SHANK1: variants seen among roughly 807,000 people sequenced by gnomAD.
SHANK1 encodes the protein SH3 and multiple ankyrin repeat domains protein 1.
Under a neutral mutation model 165.6 loss-of-function variants are expected in SHANK1, and 35 were observed. That is an observed-to-expected ratio of 0.21 (90% CI 0.16 to 0.28). The LOEUF is 0.28. SHANK1 is among the 10% of genes least tolerant of loss of function. The pLI is 1.00. For missense variants in SHANK1, 2,681 were observed against 3,036.4 expected, an observed-to-expected ratio of 0.88 and a Z score of 2.75; for synonymous variants, 1,428 against 1,384.8, an observed-to-expected ratio of 1.03 and a Z score of -0.69.
chr19:50,663,823 T>C (rs2123063315), intron 23 of SHANK1, among the ~76,000 whole-genome samples: 1 of 152,082 alleles, frequency 6.6e-6, no homozygotes, highest in East Asian at 1.9e-4. Context: ...TTGCATTCAG[T>C]TCTTAAAGGC....
At chr19:50,684,095 G>T (rs114066513) in intron 21 of SHANK1, among the ~76,000 whole-genome samples, 1 of 152,234 alleles carries the variant, frequency 6.6e-6, no homozygotes, top group Admixed American at 6.5e-5. Flanking sequence ...TGGTTGTGAA[G>T]AAGTTTGTTG....
chr19:50,695,558 G>A (rs1986713326), intron 15 of SHANK1, among the ~76,000 whole-genome samples: 1 of 151,810 alleles, frequency 6.6e-6, no homozygotes, highest in South Asian at 2.1e-4. Context: ...CTCCCGCGCA[G>A]GTGCAGAGCT....
chr19:50,663,162 A>G (rs1253595522), intron 23 of SHANK1: 1 of 185,002 alleles, frequency 5.4e-6, no homozygotes, highest in Non-Finnish European at 1.1e-5. Context: ...CTTCACCACT[A>G]TTCTATACTG....
Position 50,702,990 on chromosome 19 carries a change from G to C in SHANK1, c.1554-330C>G, listed in dbSNP as rs2088886211. On this transcript the variant is annotated intron_variant, in intron 11 of 23. Coordinates refer to ENST00000293441, the MANE Select transcript of SHANK1 (RefSeq NM_016148.5). This position sits in a 1 kb window ranked among gnomAD's most constrained non-coding sequence, Gnocchi z 5.3. Reference sequence around the variant, plus strand: ...TTCCGCGACTCCCAGCTTCCTCCTGGGTCAGGTCCAACTCCTCTGCCCGCC... The same window carrying C: ...TTCCGCGACTCCCAGCTTCCTCCTGCGTCAGGTCCAACTCCTCTGCCCGCC... Among the ~76,000 whole-genome samples the C allele has an allele frequency of 6.6e-6, 1 of 152,064 alleles. No homozygotes were observed. Among genetic ancestry groups the C allele is most frequent in the Non-Finnish European group, 1.5e-5 (1 of 67,990 alleles).
At chr19:50,708,187 C>T (rs561899026) in intron 8 of SHANK1, among the ~76,000 whole-genome samples, 190 of 152,064 alleles carry the variant, frequency 1.2e-3, no homozygotes, top group African/African-American at 4.0e-3. Flanking sequence ...CCTCGTGATC[C>T]GCCTGCTTCA....
intron 21 of SHANK1, among the ~76,000 whole-genome samples, chr19:50,679,194 C>CAGTGTGAT (rs1986090233): frequency 6.8e-5 from 2 of 29,536 alleles, no homozygotes; most frequent in African/African-American, 1.4e-4. Context: ...GTCAGTGTGA[C>CAGTGTGAT]GGGGAGGGGT....
In SHANK1 at chr19:50,668,561, C is replaced by G. The variant is rs1273221540; in HGVS notation, c.3399G>C (p.Thr1133=). The G allele has an allele frequency of 1.7e-5, 23 of 1,348,944 alleles. No individual in the cohort carries two copies. Among genetic ancestry groups the G allele is most frequent in the Middle Eastern group, 5.7e-4 (2 of 3,482 alleles). 83.6% of individuals were successfully genotyped at this position (1,348,944 alleles called of 1,614,324 possible). Residue 1133 remains threonine (T), a synonymous_variant, in exon 23 of 24, where the codon ACG becomes ACC. Coordinates refer to ENST00000293441, the MANE Select transcript of SHANK1 (RefSeq NM_016148.5). ...GGGLPPAPSP[T]SPASPQPPPA... ...GCGGCGGCTGCGGGGAGGCCGGGGACGTGGGCGACGGCGCGGGCGGGAGGC... is the reference window on the plus strand; with the variant it reads ...GCGGCGGCTGCGGGGAGGCCGGGGAGGTGGGCGACGGCGCGGGCGGGAGGC...
Position 50,666,696 on chromosome 19 carries a change from G to T in SHANK1, c.5264C>A (p.Ser1755Tyr). ...TCCTAGCGCCCGGCCCCGGAGCTTA[G>T]AGGGAGTCATGAGCTGAGGAGGGTA... ...PPYPPQLMTP[S>Y]KLRGRALGAS... Residue 1755 changes from serine to tyrosine, a missense_variant, in exon 23 of 24, where the codon TCT becomes TAT. By Grantham distance (144) the Ser-to-Tyr change is moderately radical (BLOSUM62 -2). This residue lies in a region of SHANK1 where 1,713 missense variants were observed against 1,630.2 expected (regional missense o/e 1.05). Transcript: ENST00000293441. 6.3e-7 allele frequency: 1 copy of T among 1,584,724 alleles called. No homozygotes were observed.
At chr19:50,699,683 G>T (rs1341625588) in intron 12 of SHANK1, among the ~76,000 whole-genome samples, 1 of 151,946 alleles carries the variant, frequency 6.6e-6, no homozygotes, top group Non-Finnish European at 1.5e-5. Flanking sequence ...TTGGGGGATT[G>T]GAAGGCTTGG....
chr19:50,668,776 G>C lies in SHANK1; in HGVS notation c.3184C>G (p.Pro1062Ala). Residue 1062 changes from proline to alanine, a missense_variant, in exon 23 of 24, where the codon CCG becomes GCG. This residue lies in a region of SHANK1 where 1,713 missense variants were observed against 1,630.2 expected (regional missense o/e 1.05). Transcript: ENST00000293441. ...GCGCTGCCGTGGTGCGATGGGGACG[G>C]GGCCCCCGGGGTCGGGCTGGGCCCG... is the stretch of plus-strand genomic sequence containing the variant. ...GGGPSPTPGA[P>A]SPSHHGSAGG... 1 of 1,271,138 alleles carries C rather than the reference G, an allele frequency of 7.9e-7. No homozygotes were observed. The highest frequency in any genetic ancestry group is 1.6e-5 in the African/African-American group (1 of 64,326). 78.7% of individuals were successfully genotyped at this position (1,271,138 alleles called of 1,614,324 possible).
intron 15 of SHANK1, among the ~76,000 whole-genome samples, chr19:50,689,649 T>C (rs1986481526): frequency 6.6e-6 from 1 of 152,152 alleles, no homozygotes; most frequent in African/African-American, 2.4e-5. Context: ...CCCACAACTT[T>C]AACCTTTTGT....
Position 50,702,442 on chromosome 19 carries a change from C to T in SHANK1, c.1747+25G>A. 1 of 1,594,532 alleles carries T rather than the reference C, an allele frequency of 6.3e-7. No individual in the cohort carries two copies. Among genetic ancestry groups the T allele is most frequent in the Non-Finnish European group, 8.5e-7 (1 of 1,169,722 alleles). On this transcript the variant is annotated intron_variant, in intron 12 of 23. Coordinates refer to ENST00000293441, the MANE Select transcript of SHANK1 (RefSeq NM_016148.5). This position sits in a 1 kb window ranked among gnomAD's most constrained non-coding sequence, Gnocchi z 5.3. Reference sequence around the variant, plus strand: ...ATCGCCCCCACAGCCCAGCCCAGCCCAGGCCCTGCTTCCACCCTGGGTACC... The same window carrying T: ...ATCGCCCCCACAGCCCAGCCCAGCCTAGGCCCTGCTTCCACCCTGGGTACC...
Position 50,711,492 on chromosome 19 carries a change from G to C in SHANK1, c.961-5C>G. 1 of 1,569,574 alleles carries C rather than the reference G, an allele frequency of 6.4e-7. No individual in the cohort carries two copies. On this transcript the variant is annotated splice_polypyrimidine_tract_variant and splice_region_variant and intron_variant, in intron 7 of 23. Transcript: ENST00000293441. ...AGAGTGACCCCGCTGGCAGGCCTGG[G>C]CAGGACAGGGAGCGAGGGGCATGGA...
In SHANK1 at chr19:50,668,938, CGTGGTGGTGGTGGTGGTGGGGCGG is replaced by C. The variant is rs1985683920; in HGVS notation, c.2998_3021del (p.Pro1000_His1007del). The stretch of plus-strand genomic sequence containing the variant: ...TGGTGGTGGGGCTGAGGGGGCGGGG[CGTGGTGGTGGTGGTGGTGGGGCGG>C]GTGGTGGTGGGCCGGGGGCAGGGGC... On this transcript the variant is annotated inframe_deletion, in exon 23 of 24. Coordinates refer to ENST00000293441, the MANE Select transcript of SHANK1 (RefSeq NM_016148.5). The C allele has an allele frequency of 3.3e-5, 7 of 210,600 alleles. No homozygotes were observed. Among genetic ancestry groups the C allele is most frequent in the South Asian group, 9.9e-5 (3 of 30,286 alleles). 13.0% of individuals were successfully genotyped at this position (210,600 alleles called of 1,614,324 possible). A position where few individuals can be genotyped will look rare whatever the true frequency, so the allele number is the denominator to read the frequency against.
chr19:50,674,809 C>T (rs1599845740), intron 21 of SHANK1, among the ~76,000 whole-genome samples: 2 of 152,202 alleles, frequency 1.3e-5, no homozygotes, highest in East Asian at 3.9e-4. Flanking sequence ...TGCCTGTAAT[C>T]CCAGCACTTC....
chr19:50,693,044 C>T (rs2123146666), intron 15 of SHANK1, among the ~76,000 whole-genome samples: 1 of 151,456 alleles, frequency 6.6e-6, no homozygotes, highest in East Asian at 1.9e-4. Flanking sequence ...CCTCTGGTCC[C>T]TTTCATACTT....
intron 12 of SHANK1, among the ~76,000 whole-genome samples, chr19:50,700,265 G>A (rs1008137067): frequency 6.8e-6 from 1 of 146,710 alleles, no homozygotes; most frequent in Non-Finnish European, 1.5e-5. Flanking sequence ...CGGGGCATTG[G>A]GAGAGTGGAG....
chr19:50,704,891 A>G (rs2123180660), intron 8 of SHANK1, among the ~76,000 whole-genome samples: 1 of 152,014 alleles, frequency 6.6e-6, no homozygotes, highest in South Asian at 2.1e-4. Flanking sequence ...CGTCTCTACA[A>G]AAAAATAAAC....
chr19:50,716,171 G>A lies in SHANK1; in HGVS notation c.459+104C>T, dbSNP rs1417710791. 9.5e-7 allele frequency: 1 copy of A among 1,049,878 alleles called. No individual in the cohort carries two copies. The highest frequency in any genetic ancestry group is 1.5e-6 in the Non-Finnish European group (1 of 685,730). The allele number at this position is 1,049,878 out of a possible 1,614,324, so 65.0% of individuals were successfully genotyped here. On this transcript the variant is annotated intron_variant, in intron 3 of 23. Transcript: ENST00000293441. The surrounding 1 kb of genome is among the most constrained non-coding windows in gnomAD (Gnocchi z 8.4). ...TAGAAGGTCTGGACTCGCACACTGGGTGCCCCCTCGTTAAGGTTTCGAGTG... is the reference window on the plus strand; with the variant it reads ...TAGAAGGTCTGGACTCGCACACTGGATGCCCCCTCGTTAAGGTTTCGAGTG...
Sources: gnomAD v4.1 joint callset for allele counts (sites outside exome capture counted in the v4.1 genomes callset) on GRCh38, gnomAD v4.1.1 for gene constraint, gnomAD v4.1.1 regional missense constraint, Gnocchi (gnomAD v3.1) non-coding constraint, MANE v1.5 for transcripts, NCBI Gene and HGNC (gene_info 2026-07-23, HGNC 2026-07-21) for gene names.